The following KCNQ1 variants were observed in gnomAD, a reference collection of about 807,000 sequenced individuals.
KCNQ1 encodes the protein potassium voltage-gated channel subfamily Q member 1, also known as potassium voltage-gated channel subfamily KQT member 1.
A neutral mutation model predicts 72.4 loss-of-function variants in KCNQ1; 49 were observed. That is an observed-to-expected ratio of 0.68 (90% CI 0.54 to 0.86). KCNQ1 has a LOEUF of 0.86. Ranked by LOEUF, KCNQ1 falls within the 40% of genes least tolerant of loss-of-function variation. The pLI is 0.00. For synonymous variants in KCNQ1, 450 were observed against 412.6 expected (o/e 1.09, Z -1.10); for missense variants, 790 against 945.1 (o/e 0.84, Z 2.15).
intron 15 of KCNQ1, among the ~76,000 whole-genome samples, chr11:2,822,874 A>G (rs749546715): frequency 1.3e-5 from 2 of 152,212 alleles, no homozygotes. Context: ...TGAAAAAGAA[A>G]CAATTAGAGA....
rs540328614 is a variant in KCNQ1 at position 2,842,243 on chromosome 11, ACT to A, written c.1795-5522_1795-5521del. 5.8e-3 allele frequency among the ~76,000 whole-genome samples: 882 copies of A among 152,286 alleles called. 5 individuals are homozygous for A. Among genetic ancestry groups the A allele is most frequent in the African/African-American group, 0.017 (720 of 41,558 alleles). On this transcript the variant is annotated intron_variant, in intron 15 of 15. Transcript: ENST00000155840. ...ACGACGCTCGACTCTCTGGGCCAAG[ACT>A]CACACACAGCCTGGACACTGCCCGG...
chr11:2,733,849 C>CTCTCTCGCTCTT (rs1845904257), intron 11 of KCNQ1, among the ~76,000 whole-genome samples: 2 of 35,196 alleles, frequency 5.7e-5, no homozygotes, highest in Admixed American at 2.0e-4. Flanking sequence ...CTCTCTCTCT[C>CTCTCTCGCTCTT]TCTCTCTCCC....
At position 2,572,009 on chromosome 11, in the gene KCNQ1, G is replaced by T. The variant is rs750965939; in HGVS notation, c.684-4G>T. On this transcript the variant is annotated splice_region_variant and splice_polypyrimidine_tract_variant and intron_variant, in intron 4 of 15. Coordinates refer to ENST00000155840, the MANE Select transcript of KCNQ1 (RefSeq NM_000218.3). ...CCCTCAGCCCCACACCATCTCCTTC[G>T]CAGGGGCATCCGCTTCCTGCAGATC... 6 of 1,611,382 alleles carry T rather than the reference G, an allele frequency of 3.7e-6. No individual in the cohort carries two copies. The African/African-American group carries it at 5.3e-5, about 14-fold the overall frequency.
intron 2 of KCNQ1, among the ~76,000 whole-genome samples, chr11:2,528,619 G>A (rs939623409): frequency 2.0e-5 from 3 of 152,256 alleles, no homozygotes; most frequent in East Asian, 1.9e-4. Context: ...TGGAGCCCAC[G>A]GGGTCCCCAC....
intron 11 of KCNQ1, among the ~76,000 whole-genome samples, chr11:2,717,233 G>A (rs567208207): frequency 1.4e-4 from 22 of 152,264 alleles, no homozygotes; most frequent in East Asian, 5.8e-4. Context: ...CGGCTTGGTC[G>A]GGTCACCTGG....
intron 15 of KCNQ1, among the ~76,000 whole-genome samples, chr11:2,833,953 C>T (rs974040494): frequency 6.6e-6 from 1 of 152,220 alleles, no homozygotes. Context: ...CACCTCCTCA[C>T]CCCCTTCCCA....
intron 2 of KCNQ1, among the ~76,000 whole-genome samples, chr11:2,533,886 G>T (rs1350319749): frequency 6.6e-6 from 1 of 152,222 alleles, no homozygotes; most frequent in Non-Finnish European, 1.5e-5. Flanking sequence ...GCCTTTGGTG[G>T]TGAACATACC....
At chr11:2,802,752 A>C (rs1225586406) in intron 15 of KCNQ1, among the ~76,000 whole-genome samples, 2 of 151,998 alleles carry the variant, frequency 1.3e-5, no homozygotes, top group Admixed American at 6.5e-5. Context: ...TCTCCTGAAG[A>C]CTGCGAGCTA....
At position 2,661,838 on chromosome 11, in the gene KCNQ1, G is replaced by T. The variant is rs1590014719; in HGVS notation, c.1394-123G>T. 1 of 1,277,282 alleles carries T rather than the reference G, an allele frequency of 7.8e-7. No homozygotes were observed. Among genetic ancestry groups the T allele is most frequent in the Non-Finnish European group, 1.1e-6 (1 of 884,534 alleles). 79.1% of individuals were successfully genotyped at this position (1,277,282 alleles called of 1,614,324 possible). ...ACCCAACTATAAAACTGATTGTCAG[G>T]GCTGGAGCTTCCAGGCACAAGCTCC... is the stretch of plus-strand genomic sequence containing the variant. On this transcript the variant is annotated intron_variant, in intron 10 of 15. Coordinates refer to ENST00000155840, the MANE Select transcript of KCNQ1 (RefSeq NM_000218.3). The surrounding 1 kb of genome is among the most constrained non-coding windows in gnomAD (Gnocchi z 5.9).
rs921575784 is a variant in KCNQ1, at chr11:2,617,658, C to T, written c.1393+28804C>T. 7.5e-6 allele frequency: 3 copies of T among 398,288 alleles called. No homozygotes were observed. Among genetic ancestry groups the T allele is most frequent in the Non-Finnish European group, 4.4e-6 (1 of 225,960 alleles). The allele number at this position is 398,288 out of a possible 1,614,324, so 24.7% of individuals were successfully genotyped here. On this transcript the variant is annotated intron_variant, in intron 10 of 15. Transcript: ENST00000155840. The surrounding 1 kb of genome is among the most constrained non-coding windows in gnomAD (Gnocchi z 4.6). The stretch of plus-strand genomic sequence containing the variant: ...ACCATTCTGTTTTTCATTATGACTG[C>T]ACCAATCTACAGTCCCACCAACACT...
intron 10 of KCNQ1, among the ~76,000 whole-genome samples, chr11:2,596,073 G>C (rs1246155316): frequency 6.6e-6 from 1 of 152,180 alleles, no homozygotes; most frequent in Non-Finnish European, 1.5e-5. Flanking sequence ...GGAGCCTGAA[G>C]ATGTGGCTGA....
Position 2,817,008 on chromosome 11 carries a change from C to T in KCNQ1, c.1795-30759C>T, listed in dbSNP as rs1384123685. Reference sequence around the variant, plus strand: ...AGAGGGTGTCAGGGCTTGAGGTCAACAGGGAGGTCTCAGGGCAACAGAGCC... The same window carrying T: ...AGAGGGTGTCAGGGCTTGAGGTCAATAGGGAGGTCTCAGGGCAACAGAGCC... On this transcript the variant is annotated intron_variant, in intron 15 of 15. Coordinates refer to ENST00000155840, the MANE Select transcript of KCNQ1 (RefSeq NM_000218.3). This position sits in a 1 kb window ranked among gnomAD's most constrained non-coding sequence, Gnocchi z 6.1. Among the ~76,000 whole-genome samples the T allele has an allele frequency of 1.3e-5, 2 of 152,126 alleles. No individual in the cohort carries two copies. The highest frequency in any genetic ancestry group is 4.8e-5 in the African/African-American group (2 of 41,434).
chr11:2,709,980 T>G (rs1039491902), intron 11 of KCNQ1, among the ~76,000 whole-genome samples: 22 of 152,252 alleles, frequency 1.4e-4, no homozygotes, highest in African/African-American at 5.1e-4. Context: ...GACATAGATT[T>G]TCATTTTTCT....
chr11:2,448,223 C>T (rs1281371425), intron 1 of KCNQ1, among the ~76,000 whole-genome samples: 17 of 152,142 alleles, frequency 1.1e-4, no homozygotes, highest in East Asian at 3.9e-4. Flanking sequence ...CTGGTTGTGG[C>T]CAAGGAGAGG....
intron 2 of KCNQ1, among the ~76,000 whole-genome samples, chr11:2,542,279 T>C (rs2133679502): frequency 6.6e-6 from 1 of 152,156 alleles, no homozygotes; most frequent in South Asian, 2.1e-4. Context: ...GGCAAAAGGG[T>C]GTTGGTGGAC....
Position 2,595,048 on chromosome 11 carries a change from C to A in KCNQ1, c.1393+6194C>A, listed in dbSNP as rs1437722640. On this transcript the variant is annotated intron_variant, in intron 10 of 15. Coordinates refer to ENST00000155840, the MANE Select transcript of KCNQ1 (RefSeq NM_000218.3). This position sits in a 1 kb window ranked among gnomAD's most constrained non-coding sequence, Gnocchi z 5.0. ...GCTTGTACAGGGTGACCCAGTGAAC[C>A]AATCCAGGACCTTCATGATCCATGT... Among the ~76,000 whole-genome samples the A allele has an allele frequency of 6.6e-6, 1 of 152,150 alleles. No homozygotes were observed. The highest frequency in any genetic ancestry group is 1.9e-4 in the East Asian group (1 of 5,192).
At chr11:2,819,069 A>G (rs1847679924) in intron 15 of KCNQ1, among the ~76,000 whole-genome samples, 1 of 152,204 alleles carries the variant, frequency 6.6e-6, no homozygotes, top group Non-Finnish European at 1.5e-5. Context: ...TCTGCCCTAC[A>G]GGATTAGGGA....
At position 2,479,697 on chromosome 11, in the gene KCNQ1, C is replaced by A. The variant is rs189231144; in HGVS notation, c.386+34213C>A. Among the ~76,000 whole-genome samples the A allele has an allele frequency of 1.1e-3, 160 of 152,306 alleles. 4 individuals are homozygous for A. In the East Asian group the frequency reaches 0.018, roughly 17 times the overall value. Reference sequence around the variant, plus strand: ...TCTGACATGCCCTGGAGACATTTTCCCCATTGTCTTAGTGATTAACATTTG... The same window carrying A: ...TCTGACATGCCCTGGAGACATTTTCACCATTGTCTTAGTGATTAACATTTG... On this transcript the variant is annotated intron_variant, in intron 1 of 15. Coordinates refer to ENST00000155840, the MANE Select transcript of KCNQ1 (RefSeq NM_000218.3). The surrounding 1 kb of genome is among the most constrained non-coding windows in gnomAD (Gnocchi z 4.6).
At chr11:2,614,056 C>T (rs557833424) in intron 10 of KCNQ1, 1 of 398,582 alleles carries the variant, frequency 2.5e-6, no homozygotes, top group Non-Finnish European at 4.4e-6. Context: ...AACCTTTCAA[C>T]CAATCTCTTA....
Sources: allele counts gnomAD v4.1 joint callset (sites outside exome capture counted in the v4.1 genomes callset), GRCh38; gene constraint gnomAD v4.1.1; non-coding constraint Gnocchi (gnomAD v3.1); transcripts MANE v1.5; gene names NCBI Gene and HGNC (gene_info 2026-07-23, HGNC 2026-07-21).